The following ETNK1 variants were observed in gnomAD, a reference collection of about 807,000 sequenced individuals.
ETNK1 encodes ethanolamine kinase 1.
Under a neutral mutation model 45.1 loss-of-function variants are expected in ETNK1, and 8 were observed. That is an observed-to-expected ratio of 0.18 (90% confidence interval 0.10 to 0.32). The LOEUF (loss-of-function observed/expected upper bound fraction) is 0.32, where lower values mean the gene tolerates loss of function less well. ETNK1 is among the 10% of genes least tolerant of loss of function. ETNK1 has a pLI of 1.00. For synonymous variants in ETNK1, 152 were observed against 151.9 expected (o/e 1.00, Z -0.01); for missense variants, 302 against 430.6 (o/e 0.70, Z 2.64).
intron 1 of ETNK1, among the ~76,000 whole-genome samples, chr12:22,642,051 A>G (rs900805029): frequency 1.3e-5 from 2 of 152,188 alleles, no homozygotes; most frequent in Non-Finnish European, 2.9e-5. Flanking sequence ...AGCTAGATGA[A>G]GACATTAATG....
chr12:22,666,520 A>G (rs74068264), intron 4 of ETNK1, among the ~76,000 whole-genome samples: 5,566 of 152,240 alleles, frequency 0.037, 259 homozygotes, highest in East Asian at 0.21. Flanking sequence ...TGAGATTTCT[A>G]TCTCATGTCT....
chr12:22,671,841 TAA>T (rs555930582), intron 5 of ETNK1, among the ~76,000 whole-genome samples: 16 of 98,212 alleles, frequency 1.6e-4, no homozygotes, highest in Admixed American at 4.4e-4. Context: ...TCCATCTCAT[TAA>T]AAAAAAAAAA....
At chr12:22,664,112 A>C (rs1280756396) in intron 4 of ETNK1, among the ~76,000 whole-genome samples, 2 of 151,944 alleles carry the variant, frequency 1.3e-5, no homozygotes, top group South Asian at 2.1e-4. Context: ...TTGAGTGTTT[A>C]CTATAAGTAG....
At chr12:22,679,702 GTTT>G (rs71444173) in intron 6 of ETNK1, among the ~76,000 whole-genome samples, 12 of 128,538 alleles carry the variant, frequency 9.3e-5, no homozygotes, top group Non-Finnish European at 9.4e-5. Flanking sequence ...TTGGTTTTTT[GTTT>G]TTTTTTTTTT....
intron 1 of ETNK1, among the ~76,000 whole-genome samples, chr12:22,640,572 G>GT (rs1220670828): frequency 2.0e-5 from 3 of 152,034 alleles, no homozygotes; most frequent in African/African-American, 4.8e-5. Context: ...TTACTTTGCT[G>GT]TTTTTTATTG....
chr12:22,664,129 C>T (rs1219972721), intron 4 of ETNK1, among the ~76,000 whole-genome samples: 1 of 151,504 alleles, frequency 6.6e-6, no homozygotes, highest in Non-Finnish European at 1.5e-5. Flanking sequence ...GTAGAAGATG[C>T]CATGCCTTAT....
intron 5 of ETNK1, 26 bp from the exon 6 acceptor site, chr12:22,673,474 T>G: frequency 6.5e-7 from 1 of 1,531,916 alleles, no homozygotes; most frequent in Non-Finnish European, 8.8e-7. Context: ...TTAAAATTTT[T>G]GAGTGTAGTT....
intron 3 of ETNK1, 32 bp downstream of exon 3, chr12:22,659,186 T>A (rs1446955411): frequency 6.3e-7 from 1 of 1,587,402 alleles, no homozygotes; most frequent in African/African-American, 1.3e-5. Flanking sequence ...AAATTATGTT[T>A]TACATTGCTT....
rs532162689 is a variant in ETNK1, at chr12:22,640,897, T to G, written c.157-2866T>G. Reference sequence around the variant, plus strand: ...ATTAAAAGGAGCTCACTAAGATTTATATTTTGTCTCAACTCTACTGAGGTG... The same window carrying G: ...ATTAAAAGGAGCTCACTAAGATTTAGATTTTGTCTCAACTCTACTGAGGTG... On this transcript the variant is annotated intron_variant, in intron 1 of 7. Coordinates refer to ENST00000266517, the MANE Select transcript of ETNK1 (RefSeq NM_018638.5). Among the ~76,000 whole-genome samples, 7 of 152,300 alleles carry G rather than the reference T, an allele frequency of 4.6e-5. No individual in the cohort carries two copies. In the South Asian group the frequency reaches 1.4e-3, roughly 32 times the overall value.
At chr12:22,636,315 T>A (rs1953654807) in intron 1 of ETNK1, among the ~76,000 whole-genome samples, 2 of 152,160 alleles carry the variant, frequency 1.3e-5, no homozygotes, top group South Asian at 4.1e-4. Context: ...AAAAATAGTG[T>A]CATCTATAAG....
rs890745714 is a variant in ETNK1, at chr12:22,669,427, AT to A, written c.701-1836del. 1.6e-3 allele frequency among the ~76,000 whole-genome samples: 243 copies of A among 150,520 alleles called. 1 individual carries two copies. The highest frequency in any genetic ancestry group is 5.4e-3 in the African/African-American group (220 of 40,752). ...CTTCCCCCCCATGCATTATTTACAT[AT>A]TTTTTTTTCTCTGTAGGCATATTTT... On this transcript the variant is annotated intron_variant, in intron 4 of 7. Coordinates refer to ENST00000266517, the MANE Select transcript of ETNK1 (RefSeq NM_018638.5).
chr12:22,625,685 C>T, intron 1 of ETNK1, 99 bp downstream of exon 1: 2 of 1,482,218 alleles, frequency 1.3e-6, no homozygotes, highest in Non-Finnish European at 1.8e-6. Context: ...CGAGGAGGAC[C>T]TAGGGCAACA....
chr12:22,630,760 G>A (rs1401204596), intron 1 of ETNK1, among the ~76,000 whole-genome samples: 1 of 151,842 alleles, frequency 6.6e-6, no homozygotes, highest in Non-Finnish European at 1.5e-5. Flanking sequence ...ACAGATGTGC[G>A]CCACCATGCT....
rs936977508 is a variant in ETNK1 at position 22,687,666 on chromosome 12, G to A, written c.*2712G>A. The A allele has an allele frequency of 7.9e-5, 12 of 152,188 alleles. No individual in the cohort carries two copies. The highest frequency in any genetic ancestry group is 1.9e-4 in the African/African-American group (8 of 41,450). The allele number at this position is 152,188 out of a possible 1,614,324, so 9.4% of individuals were successfully genotyped here. A position where few individuals can be genotyped will look rare whatever the true frequency, so the allele number is the denominator to read the frequency against. On this transcript the variant is annotated 3_prime_UTR_variant, in exon 8 of 8. Transcript: ENST00000266517. ...TGGTAGTAAATCATACAGTACACAC[G>A]ATCATCTGAGATCAATATGAGCACA...
chr12:22,625,913 C>T, intron 1 of ETNK1: 1 of 599,668 alleles, frequency 1.7e-6, no homozygotes, highest in Non-Finnish European at 3.1e-6. Context: ...CAAAATGAAC[C>T]TTTCCACTCC....
At chr12:22,681,339 A>G (rs147215899) in intron 6 of ETNK1, among the ~76,000 whole-genome samples, 293 of 152,122 alleles carry the variant, frequency 1.9e-3, no homozygotes, top group African/African-American at 4.4e-3. Context: ...CTGCTTGACA[A>G]TGGTGAGAAG....
chr12:22,654,558 G>A (rs971416164), intron 2 of ETNK1, among the ~76,000 whole-genome samples: 2 of 152,130 alleles, frequency 1.3e-5, no homozygotes, highest in Non-Finnish European at 2.9e-5. Flanking sequence ...TGTATTCCAG[G>A]TCTGTTGCTA....
chr12:22,681,381 T>C (rs1020792662), intron 6 of ETNK1, among the ~76,000 whole-genome samples: 3 of 151,996 alleles, frequency 2.0e-5, no homozygotes, highest in African/African-American at 7.2e-5. Context: ...AAATGCAGAA[T>C]GACTCTTGAT....
rs867764677 is a variant in ETNK1, at chr12:22,683,003, C to A, written c.946-1480C>A. On this transcript the variant is annotated intron_variant, in intron 6 of 7. Transcript: ENST00000266517. ...TTTGAAAATCTTTATCATTTTTAATCATTCTGGTTTCATATAGTAAGAATA... is the reference window on the plus strand; with the variant it reads ...TTTGAAAATCTTTATCATTTTTAATAATTCTGGTTTCATATAGTAAGAATA... 2.6e-5 allele frequency among the ~76,000 whole-genome samples: 4 copies of A among 152,152 alleles called. No homozygotes were observed. The South Asian group carries it at 8.3e-4, about 32-fold the overall frequency.
Sources: allele counts gnomAD v4.1 joint callset (sites outside exome capture counted in the v4.1 genomes callset), GRCh38; gene constraint gnomAD v4.1.1; transcripts MANE v1.5; gene names NCBI Gene and HGNC (gene_info 2026-07-23, HGNC 2026-07-21).